Variants in SLC25A21 observed in about 807,000 individuals in gnomAD.
SLC25A21 encodes solute carrier family 25 member 21.
Under a neutral mutation model 43.8 loss-of-function variants are expected in SLC25A21, and 47 were observed. The ratio of observed to expected loss-of-function variants is 1.07; its 90% CI spans 0.85 to 1.37. The LOEUF is 1.37. Ranked by LOEUF, SLC25A21 falls within the 40% of genes most tolerant of loss-of-function variation. The pLI, the probability that SLC25A21 is intolerant of heterozygous loss-of-function variation, is 0.00. For missense variants in SLC25A21, 352 were observed against 350.2 expected, an observed-to-expected ratio of 1.00 and a Z score of -0.04; for synonymous variants, 131 against 121.3, an observed-to-expected ratio of 1.08 and a Z score of -0.52.
intron 6 of SLC25A21, among the ~76,000 whole-genome samples, chr14:36,713,814 T>C (rs1331665072): frequency 6.6e-6 from 1 of 151,882 alleles, no homozygotes; most frequent in Non-Finnish European, 1.5e-5. Context: ...TAAGACCCAG[T>C]CTCTACAAAA....
intron 1 of SLC25A21, among the ~76,000 whole-genome samples, chr14:36,880,841 A>G (rs1017245012): frequency 6.6e-6 from 1 of 152,178 alleles, no homozygotes; most frequent in Non-Finnish European, 1.5e-5. Context: ...AAAACAACTA[A>G]TCAATCAGCA....
intron 1 of SLC25A21, among the ~76,000 whole-genome samples, chr14:36,961,672 A>G (rs899434937): frequency 6.6e-6 from 1 of 152,138 alleles, no homozygotes; most frequent in Non-Finnish European, 1.5e-5. Context: ...GGCTCTCCAG[A>G]TAACACCCAA....
intron 1 of SLC25A21, among the ~76,000 whole-genome samples, chr14:37,043,940 G>GTTTTTTTTTTTTTTTTTTTTTTTTT (rs59081965): frequency 3.5e-5 from 2 of 56,762 alleles, no homozygotes; most frequent in Admixed American, 1.7e-4. Flanking sequence ...ATGTTTTTTT[G>GTTTTTTTTTTTTTTTTTTTTTTTTT]TTTTTTTTTT....
intron 2 of SLC25A21, among the ~76,000 whole-genome samples, chr14:36,829,273 T>TATC (rs1471121524): frequency 1.1e-4 from 17 of 152,224 alleles, no homozygotes; most frequent in African/African-American, 4.1e-4. Context: ...ACTCCTGTGT[T>TATC]ATCCTACTTC....
At chr14:37,059,966 C>A (rs1415448876) in intron 1 of SLC25A21, among the ~76,000 whole-genome samples, 1 of 152,070 alleles carries the variant, frequency 6.6e-6, no homozygotes, top group East Asian at 1.9e-4. Flanking sequence ...GAATAAAGGT[C>A]TTTTCTTATT....
intron 7 of SLC25A21, among the ~76,000 whole-genome samples, chr14:36,693,120 CAGA>C (rs1273448469): frequency 6.6e-6 from 1 of 152,194 alleles, no homozygotes; most frequent in African/African-American, 2.4e-5. Context: ...GAAGGAACTG[CAGA>C]AGATTTATTG....
chr14:36,899,508 A>C (rs2138595532), intron 1 of SLC25A21, among the ~76,000 whole-genome samples: 1 of 152,294 alleles, frequency 6.6e-6, no homozygotes, highest in South Asian at 2.1e-4. Context: ...CTACAGGGAG[A>C]ATGGTAGCAT....
chr14:36,935,108 C>T (rs8014926), intron 1 of SLC25A21, among the ~76,000 whole-genome samples: 91,273 of 151,846 alleles, frequency 0.6, 28,104 homozygotes, highest in Non-Finnish European at 0.65. Context: ...TTTCATATCT[C>T]GCCACTGCTA....
At chr14:36,887,167 T>C (rs534244763) in intron 1 of SLC25A21, among the ~76,000 whole-genome samples, 1 of 151,732 alleles carries the variant, frequency 6.6e-6, no homozygotes, top group African/African-American at 2.4e-5. Flanking sequence ...CATATAAATA[T>C]GTATGAATAT....
At chr14:37,144,781 T>TG (rs1486336093) in intron 1 of SLC25A21, among the ~76,000 whole-genome samples, 1 of 25,180 alleles carries the variant, frequency 4.0e-5, no homozygotes, top group African/African-American at 5.6e-5. Flanking sequence ...GAAGTTGTTT[T>TG]GGGTTTTTTT....
At chr14:37,105,867 C>G (rs1962901643) in intron 1 of SLC25A21, among the ~76,000 whole-genome samples, 1 of 152,068 alleles carries the variant, frequency 6.6e-6, no homozygotes, top group Non-Finnish European at 1.5e-5. Flanking sequence ...CCATTTTTGT[C>G]ATGTACATGC....
chr14:37,022,560 C>A (rs1233737797), intron 1 of SLC25A21, among the ~76,000 whole-genome samples: 2 of 152,006 alleles, frequency 1.3e-5, no homozygotes, highest in Admixed American at 6.6e-5. Flanking sequence ...TCCCAATCAT[C>A]ATCCTAGTAT....
At chr14:36,990,360 A>G (rs1434555820) in intron 1 of SLC25A21, among the ~76,000 whole-genome samples, 1 of 152,176 alleles carries the variant, frequency 6.6e-6, no homozygotes, top group Non-Finnish European at 1.5e-5. Flanking sequence ...ATATTCATTG[A>G]TTACACTACT....
At chr14:37,090,870 T>C (rs1166912799) in intron 1 of SLC25A21, among the ~76,000 whole-genome samples, 2 of 152,220 alleles carry the variant, frequency 1.3e-5, no homozygotes, top group Non-Finnish European at 2.9e-5. Context: ...TCCAATAAAG[T>C]TGTGGTGGAA....
intron 1 of SLC25A21, among the ~76,000 whole-genome samples, chr14:36,877,069 C>T (rs555289355): frequency 9.1e-4 from 139 of 151,972 alleles, no homozygotes; most frequent in Non-Finnish European, 1.1e-3. Context: ...AAAATAGCAT[C>T]CTTACCACAC....
chr14:37,087,940 C>T (rs777741693), intron 1 of SLC25A21, among the ~76,000 whole-genome samples: 1 of 152,188 alleles, frequency 6.6e-6, no homozygotes, highest in Non-Finnish European at 1.5e-5. Flanking sequence ...TAAGGTTCAT[C>T]CTGCAGATGT....
At chr14:37,099,900 T>G (rs532010425) in intron 1 of SLC25A21, among the ~76,000 whole-genome samples, 1 of 152,138 alleles carries the variant, frequency 6.6e-6, no homozygotes, top group African/African-American at 2.4e-5. Flanking sequence ...TATATTAAAT[T>G]TATATTTAAA....
intron 7 of SLC25A21, among the ~76,000 whole-genome samples, chr14:36,698,231 G>T (rs1040749689): frequency 1.3e-5 from 2 of 152,136 alleles, no homozygotes; most frequent in East Asian, 3.9e-4. Flanking sequence ...TAAGAATGTT[G>T]AATATTGGCT....
Position 37,081,760 on chromosome 14 carries a change from G to C in SLC25A21, c.70+90521C>G, listed in dbSNP as rs370410260. 2.6e-5 allele frequency among the ~76,000 whole-genome samples: 4 copies of C among 152,114 alleles called. No individual in the cohort carries two copies. In the East Asian group the frequency reaches 7.7e-4, roughly 29 times the overall value. On this transcript the variant is annotated intron_variant, in intron 1 of 9. Coordinates refer to ENST00000331299, the MANE Select transcript of SLC25A21 (RefSeq NM_030631.4). Reference sequence around the variant, plus strand: ...CAAATCCTAGCATAGGAATTATACAGTAAGATGCTGCAATAAAGACAAAAC... The same window carrying C: ...CAAATCCTAGCATAGGAATTATACACTAAGATGCTGCAATAAAGACAAAAC...
Sources: allele counts gnomAD v4.1 joint callset (sites outside exome capture counted in the v4.1 genomes callset), GRCh38; gene constraint gnomAD v4.1.1; transcripts MANE v1.5; gene names NCBI Gene and HGNC (gene_info 2026-07-23, HGNC 2026-07-21).